The following ACER3 variants were observed in gnomAD, a reference collection of about 807,000 sequenced individuals.
ACER3 encodes alkCDase 3.
ACER3 carries 16 observed loss-of-function variants against 48.9 expected under a neutral mutation model. That is an observed-to-expected ratio of 0.33 (90% CI 0.22 to 0.50). ACER3 has a LOEUF of 0.50. ACER3 is among the 20% of genes least tolerant of loss of function. ACER3 has a pLI of 0.98. For synonymous variants in ACER3, 109 were observed against 107.8 expected (o/e 1.01, Z -0.07); for missense variants, 227 against 326.0 (o/e 0.70, Z 2.34).
chr11:76,932,564 A>G lies in ACER3; in HGVS notation c.214+5897A>G, dbSNP rs545567491. Reference sequence around the variant, plus strand: ...GGACAGATCACAATCTGTAACAACAATAAGAACAAAAAGACCTGAGGGACT... The same window carrying G: ...GGACAGATCACAATCTGTAACAACAGTAAGAACAAAAAGACCTGAGGGACT... On this transcript the variant is annotated intron_variant, in intron 2 of 10. Coordinates refer to ENST00000532485, the MANE Select transcript of ACER3 (RefSeq NM_018367.7). Among the ~76,000 whole-genome samples, 12 of 152,328 alleles carry G rather than the reference A, an allele frequency of 7.9e-5. No homozygotes were observed. The South Asian group carries it at 1.2e-3, about 16-fold the overall frequency.
chr11:76,882,624 C>T (rs947482416), intron 1 of ACER3, among the ~76,000 whole-genome samples: 2 of 152,164 alleles, frequency 1.3e-5, no homozygotes, highest in African/African-American at 4.8e-5. Context: ...GGATCAGTCT[C>T]AATTGATATT....
In ACER3 at chr11:76,958,991, G is replaced by A. The variant is rs1947914876; in HGVS notation, c.227G>A (p.Gly76Glu). 6.2e-7 allele frequency: 1 copy of A among 1,614,014 alleles called. No homozygotes were observed. Among genetic ancestry groups the A allele is most frequent in the Non-Finnish European group, 8.5e-7 (1 of 1,179,982 alleles). The stretch of plus-strand genomic sequence containing the variant: ...TGTTTAATTTCAGTGGTAGGAATGG[G>A]ATCCTGGTGCTTCCACATGACTCTG... ...SYLALTVVGMGSWCFHMTLKY... is the reference protein window; with the variant it reads ...SYLALTVVGMESWCFHMTLKY... Residue 76 changes from glycine (G) to glutamate (E), a missense_variant, in exon 3 of 11, where the codon GGA (glycine) becomes GAA (glutamate). Gly to Glu is a moderately conservative substitution (Grantham distance 98). Transcript: ENST00000532485.
chr11:76,875,107 CTTTTTTTTTTT>C (rs10676364), intron 1 of ACER3, among the ~76,000 whole-genome samples: 10 of 78,162 alleles, frequency 1.3e-4, no homozygotes, highest in Middle Eastern at 0.012. Flanking sequence ...AAAAGCACTT[CTTTTTTTTTTT>C]TTTTTTTTTT....
At chr11:76,927,335 C>T (rs1237749002) in intron 2 of ACER3, among the ~76,000 whole-genome samples, 2 of 152,122 alleles carry the variant, frequency 1.3e-5, no homozygotes, top group Admixed American at 6.6e-5. Flanking sequence ...ATCAGCTATA[C>T]CAGAGCCTAA....
Position 77,016,794 on chromosome 11 carries a change from C to A in ACER3, c.704+15C>A. 7.2e-7 allele frequency: 1 copy of A among 1,389,452 alleles called. No homozygotes were observed. The highest frequency in any genetic ancestry group is 1.0e-6 in the Non-Finnish European group (1 of 999,706). 86.1% of individuals were successfully genotyped at this position (1,389,452 alleles called of 1,614,324 possible). On this transcript the variant is annotated intron_variant, in intron 9 of 10. Transcript: ENST00000532485. ...ATCCTTTTCAGGTAGGAAATAGAGA[C>A]TTTTTTAGCCTCGTACTAGAGTTTG... is the stretch of plus-strand genomic sequence containing the variant.
At chr11:76,878,739 A>G (rs77861940) in intron 1 of ACER3, among the ~76,000 whole-genome samples, 1 of 152,198 alleles carries the variant, frequency 6.6e-6, no homozygotes, top group African/African-American at 2.4e-5. Context: ...GTTTTCTAAG[A>G]GCCTGTAAGA....
intron 7 of ACER3, among the ~76,000 whole-genome samples, chr11:76,999,974 C>G (rs7941242): frequency 0.021 from 3,183 of 152,170 alleles, 113 homozygotes; most frequent in African/African-American, 0.073. Context: ...AATAAATGCC[C>G]AGAGTGAAAT....
At chr11:76,868,383 CTCTCTCTCTGTGTGTGTG>C (rs1316684277) in intron 1 of ACER3, 9 of 525,162 alleles carry the variant, frequency 1.7e-5, no homozygotes, top group East Asian at 8.9e-5. Context: ...ATATCTCTCT[CTCTCTCTCTGTGTGTGTG>C]TGTGTGTGTG....
At chr11:76,945,291 A>G (rs906920977) in intron 2 of ACER3, among the ~76,000 whole-genome samples, 7 of 151,972 alleles carry the variant, frequency 4.6e-5, no homozygotes, top group South Asian at 2.1e-4. Context: ...CATGTTTCCC[A>G]TGTCCTTCCG....
chr11:76,887,221 T>A (rs1177782745), intron 1 of ACER3, among the ~76,000 whole-genome samples: 1 of 152,088 alleles, frequency 6.6e-6, no homozygotes, highest in Non-Finnish European at 1.5e-5. Flanking sequence ...AGTCACTGCA[T>A]TCCAGCTTGG....
At chr11:76,987,610 A>AT (rs1310376238) in intron 5 of ACER3, among the ~76,000 whole-genome samples, 2 of 152,138 alleles carry the variant, frequency 1.3e-5, no homozygotes, top group Admixed American at 1.3e-4. Context: ...AAATATGAGA[A>AT]TAGATGACCT....
chr11:76,909,821 G>C lies in ACER3; in HGVS notation c.104-16736G>C, dbSNP rs28859077. 3.1e-3 allele frequency among the ~76,000 whole-genome samples: 470 copies of C among 152,166 alleles called. 5 individuals carry two copies. Among genetic ancestry groups the C allele is most frequent in the African/African-American group, 0.011 (447 of 41,502 alleles). The stretch of plus-strand genomic sequence containing the variant: ...TTCTACTATAAAGACACATGCACAC[G>C]TATGTTTATTGCAGCACTATTCACA... On this transcript the variant is annotated intron_variant, in intron 1 of 10. Coordinates refer to ENST00000532485, the MANE Select transcript of ACER3 (RefSeq NM_018367.7).
At chr11:76,861,308 A>AT (rs1299819638) in intron 1 of ACER3, among the ~76,000 whole-genome samples, 1 of 108,856 alleles carries the variant, frequency 9.2e-6, no homozygotes, top group Admixed American at 1.0e-4. Context: ...GGGCCTGAGG[A>AT]TTGGGGGGGC....
intron 6 of ACER3, among the ~76,000 whole-genome samples, chr11:76,991,675 G>A (rs966771658): frequency 6.6e-6 from 1 of 151,930 alleles, no homozygotes; most frequent in African/African-American, 2.4e-5. Context: ...AATTAGCTGG[G>A]CATGGTGGCG....
In ACER3 at chr11:76,992,875, T is replaced by A. The variant is rs201659749; in HGVS notation, c.438+2301T>A. The stretch of plus-strand genomic sequence containing the variant: ...CTCGTTGTTCAACAATCTCCCCACC[T>A]TTTTTTTTTTTGAAATAGAGCCTCG... On this transcript the variant is annotated intron_variant, in intron 6 of 10. Coordinates refer to ENST00000532485, the MANE Select transcript of ACER3 (RefSeq NM_018367.7). Among the ~76,000 whole-genome samples the A allele has an allele frequency of 8.4e-4, 13 of 15,416 alleles. No homozygotes were observed. The East Asian group carries it at 0.021, about 25-fold the overall frequency. 10.1% of individuals were successfully genotyped at this position (15,416 alleles called of 152,430 possible). A position where few individuals can be genotyped will look rare whatever the true frequency, so the allele number is the denominator to read the frequency against.
At chr11:76,998,595 T>C (rs1948963174) in intron 6 of ACER3, 168 bp from the exon 7 acceptor site, 1 of 533,916 alleles carries the variant, frequency 1.9e-6, no homozygotes, top group Non-Finnish European at 3.2e-6. Context: ...CCTCAGAAGT[T>C]AGCATGATTT....
intron 6 of ACER3, among the ~76,000 whole-genome samples, chr11:76,996,426 A>T (rs140108578): frequency 0.041 from 4,021 of 97,356 alleles, 89 homozygotes; most frequent in Non-Finnish European, 0.072. Context: ...TATTATTATT[A>T]TTATTTTTTG....
At chr11:76,934,242 G>T (rs1047530432) in intron 2 of ACER3, among the ~76,000 whole-genome samples, 3 of 151,990 alleles carry the variant, frequency 2.0e-5, no homozygotes, top group Non-Finnish European at 2.9e-5. Flanking sequence ...CGTCCTAGAC[G>T]ATGGGCAGCC....
At chr11:76,934,293 G>A (rs1224024333) in intron 2 of ACER3, among the ~76,000 whole-genome samples, 7 of 152,218 alleles carry the variant, frequency 4.6e-5, no homozygotes, top group South Asian at 2.1e-4. Flanking sequence ...GGTGGCGGCC[G>A]GGCAGAGGCT....
Sources: allele counts gnomAD v4.1 joint callset (sites outside exome capture counted in the v4.1 genomes callset), GRCh38; gene constraint gnomAD v4.1.1; transcripts MANE v1.5; gene names NCBI Gene and HGNC (gene_info 2026-07-23, HGNC 2026-07-21).